KIAA1549L: variants seen among roughly 807,000 people sequenced by gnomAD.
KIAA1549L encodes the protein KIAA1549 like, also known as UPF0606 protein KIAA1549L.
In KIAA1549L, 88 loss-of-function variants were observed where a neutral mutation model predicts 160.7. The ratio of observed to expected loss-of-function variants is 0.55; its 90% CI spans 0.46 to 0.65. The LOEUF (loss-of-function observed/expected upper bound fraction) is 0.65, where lower values mean the gene tolerates loss of function less well. KIAA1549L is among the 30% of genes least tolerant of loss of function. The pLI is 0.00. For synonymous variants in KIAA1549L, 950 were observed against 976.7 expected (o/e 0.97, Z 0.51); for missense variants, 2,258 against 2,437.5 (o/e 0.93, Z 1.55).
intron 17 of KIAA1549L, among the ~76,000 whole-genome samples, chr11:33,647,375 C>CAAAAAAAAAAAAAAAAAAA (rs10578169): frequency 8.7e-6 from 1 of 115,114 alleles, no homozygotes; most frequent in Non-Finnish European, 1.8e-5. Context: ...GACTCTGTCT[C>CAAAAAAAAAAAAAAAAAAA]AAAAAAAAAA....
chr11:33,539,748 T>G (rs1853972542), intron 1 of KIAA1549L, among the ~76,000 whole-genome samples: 1 of 152,202 alleles, frequency 6.6e-6, no homozygotes, highest in Non-Finnish European at 1.5e-5. Flanking sequence ...ACTTGTCATT[T>G]CTGCTTACAA....
chr11:33,397,652 C>G (rs1254440838), intron 1 of KIAA1549L, among the ~76,000 whole-genome samples: 3 of 150,620 alleles, frequency 2.0e-5, no homozygotes, highest in African/African-American at 7.3e-5. Flanking sequence ...GCGGAGGTTG[C>G]GGTGAGCCAA....
At chr11:33,505,046 G>A (rs183516447) in intron 1 of KIAA1549L, among the ~76,000 whole-genome samples, 6 of 152,320 alleles carry the variant, frequency 3.9e-5, no homozygotes, top group East Asian at 1.9e-4. Flanking sequence ...GATTACAGGC[G>A]TGAGCCACCA....
intron 16 of KIAA1549L, among the ~76,000 whole-genome samples, chr11:33,643,105 A>C (rs896484415): frequency 6.6e-6 from 1 of 152,158 alleles, no homozygotes; most frequent in Non-Finnish European, 1.5e-5. Flanking sequence ...TGGAGAGTAT[A>C]CTTGGACCTT....
At chr11:33,644,099 T>A (rs1284881437) in intron 16 of KIAA1549L, among the ~76,000 whole-genome samples, 3 of 152,214 alleles carry the variant, frequency 2.0e-5, no homozygotes, top group Admixed American at 2.0e-4. Context: ...CTGTCCTTGC[T>A]CTTATTAGTA....
chr11:33,464,474 A>ATGTG (rs3038997), intron 1 of KIAA1549L, among the ~76,000 whole-genome samples: 7,334 of 140,074 alleles, frequency 0.052, 254 homozygotes, highest in East Asian at 0.15. Flanking sequence ...CTGTGTGTGC[A>ATGTG]TGTGTGTGTG....
At chr11:33,485,679 A>G (rs749234825) in intron 1 of KIAA1549L, among the ~76,000 whole-genome samples, 12 of 152,152 alleles carry the variant, frequency 7.9e-5, no homozygotes, top group Non-Finnish European at 1.6e-4. Flanking sequence ...TCAAGTGTAC[A>G]ATACTTTGTT....
chr11:33,595,162 C>T (rs1333431980), intron 12 of KIAA1549L, among the ~76,000 whole-genome samples: 1 of 152,108 alleles, frequency 6.6e-6, no homozygotes, highest in African/African-American at 2.4e-5. Flanking sequence ...GAAATATTAA[C>T]TGATGAAACA....
In KIAA1549L at chr11:33,544,897, G is replaced by A. The variant is rs547067728; in HGVS notation, c.2904G>A (p.Val968=). Residue 968 remains valine (V), a synonymous_variant, in exon 3 of 21, where the codon GTG becomes GTA. Coordinates refer to ENST00000658780, the MANE Select transcript of KIAA1549L (RefSeq NM_012194.3). The part of the protein sequence containing the change: ...AKGTSSSPLA[V]ASGPAKSSSM... ...GCACCAGCAGCAGCCCTTTGGCCGTGGCCTCAGGACCAGCTAAGAGCAGTT... is the reference window on the plus strand; with the variant it reads ...GCACCAGCAGCAGCCCTTTGGCCGTAGCCTCAGGACCAGCTAAGAGCAGTT... The A allele has an allele frequency of 1.5e-5, 24 of 1,613,308 alleles. No individual in the cohort carries two copies. Among genetic ancestry groups the A allele is most frequent in the Non-Finnish European group, 2.0e-5 (24 of 1,179,636 alleles).
chr11:33,614,547 T>C (rs1850733960), intron 15 of KIAA1549L, among the ~76,000 whole-genome samples: 3 of 11,774 alleles, frequency 2.5e-4, no homozygotes, highest in Non-Finnish European at 5.9e-4. Context: ...TATATATATA[T>C]ATATATATAT....
At chr11:33,657,984 G>A (rs1852126232) in intron 18 of KIAA1549L, among the ~76,000 whole-genome samples, 1 of 152,146 alleles carries the variant, frequency 6.6e-6, no homozygotes, top group Non-Finnish European at 1.5e-5. Flanking sequence ...AATTTTAGGG[G>A]AGCCTGAAGT....
Position 33,551,049 on chromosome 11 carries a change from C to T in KIAA1549L, c.3511C>T (p.Leu1171=). Residue 1171 remains leucine (L), a synonymous_variant, in exon 5 of 21, where the codon CTG becomes TTG. Transcript: ENST00000658780. The part of the protein sequence containing the change: ...QNDVSAHVDI[L]EYSHNVTVGY... ...TCCATTTGTTTTGTAGGTGGACATT[C>T]TGGAATATTCTCATAATGTCACAGT... 6.2e-7 allele frequency: 1 copy of T among 1,613,408 alleles called. No homozygotes were observed.
intron 1 of KIAA1549L, among the ~76,000 whole-genome samples, chr11:33,450,237 C>T (rs563118048): frequency 7.0e-4 from 106 of 152,178 alleles, no homozygotes; most frequent in African/African-American, 2.5e-3. Flanking sequence ...GTTGGGCTTT[C>T]CATTTAGGTG....
chr11:33,465,674 C>T (rs1229277798), intron 1 of KIAA1549L, among the ~76,000 whole-genome samples: 1 of 152,118 alleles, frequency 6.6e-6, no homozygotes, highest in Non-Finnish European at 1.5e-5. Context: ...GAACAGAGGC[C>T]TCAGAAATAA....
intron 1 of KIAA1549L, among the ~76,000 whole-genome samples, chr11:33,518,138 CAAAAAAAAAAAAAAAAAAA>C (rs560876643): frequency 5.0e-5 from 3 of 59,414 alleles, no homozygotes; most frequent in Non-Finnish European, 9.1e-5. Flanking sequence ...GACTCTGTCT[CAAAAAAAAAAAAAAAAAAA>C]AAAAAAAAAG....
intron 1 of KIAA1549L, among the ~76,000 whole-genome samples, chr11:33,458,228 A>T (rs1851870019): frequency 6.6e-6 from 1 of 152,236 alleles, no homozygotes; most frequent in South Asian, 2.1e-4. Context: ...CTGTGTTTGA[A>T]GCTGGACTAC....
At chr11:33,628,740 A>T (rs576555598) in intron 16 of KIAA1549L, among the ~76,000 whole-genome samples, 1 of 150,410 alleles carries the variant, frequency 6.6e-6, no homozygotes, top group African/African-American at 2.5e-5. Context: ...TCTTTATCCA[A>T]TTTGCCAGTC....
At chr11:33,433,121 A>C (rs943359369) in intron 1 of KIAA1549L, among the ~76,000 whole-genome samples, 1 of 152,242 alleles carries the variant, frequency 6.6e-6, no homozygotes, top group African/African-American at 2.4e-5. Context: ...CAGCAAAAGA[A>C]ACTATCATCT....
chr11:33,534,491 G>C (rs562904298), intron 1 of KIAA1549L, among the ~76,000 whole-genome samples: 2 of 152,062 alleles, frequency 1.3e-5, no homozygotes, highest in Admixed American at 1.3e-4. Context: ...TTTTTTGGGG[G>C]AAAGGAGAGA....
Sources: gnomAD v4.1 joint callset for allele counts (sites outside exome capture counted in the v4.1 genomes callset) on GRCh38, gnomAD v4.1.1 for gene constraint, MANE v1.5 for transcripts, NCBI Gene and HGNC (gene_info 2026-07-23, HGNC 2026-07-21) for gene names.